Variants in CDKL5 observed in about 807,000 individuals in gnomAD.
CDKL5 encodes the protein cyclin-dependent kinase-like 5.
A neutral mutation model predicts 61.7 loss-of-function variants in CDKL5; 8 were observed. The observed-to-expected ratio is 0.13, with a 90% CI of 0.08 to 0.23. The LOEUF is 0.23. Ranked by LOEUF, CDKL5 falls within the 10% of genes least tolerant of loss-of-function variation. The pLI is 1.00. For missense variants in CDKL5, 440 were observed against 734.5 expected, an observed-to-expected ratio of 0.60 and a Z score of 4.63; for synonymous variants, 275 against 272.3, an observed-to-expected ratio of 1.01 and a Z score of -0.10.
At chrX:18,503,475 T>A (rs1489442287) in intron 1 of CDKL5, among the ~76,000 whole-genome samples, 1 of 112,294 alleles carries the variant, frequency 8.9e-6, no homozygotes, top group Non-Finnish European at 1.9e-5. Context: ...TGAGCCATTG[T>A]GCCCCGCCCA....
Position 18,552,682 on chromosome X carries a change from C to G in CDKL5, c.100-11795C>G, listed in dbSNP as rs996471451. ...GGGCCTTCAGATCTCATCGAGGAGC[C>G]GTGGGAAGGCTCCTCTGAGGAAGTG... On this transcript the variant is annotated intron_variant, in intron 3 of 17. Coordinates refer to ENST00000623535, the MANE Select transcript of CDKL5 (RefSeq NM_001323289.2). Among the ~76,000 whole-genome samples the G allele has an allele frequency of 1.1e-4, 12 of 111,279 alleles. No individual in the cohort carries two copies. The East Asian group carries it at 3.4e-3, about 32-fold the overall frequency.
In CDKL5 at chrX:18,518,388, A is replaced by ATTTTTTTTTTTTTTTTTTTTTTTTTTT. The variant is rs779361711; in HGVS notation, c.99+7543_99+7569dup. On this transcript the variant is annotated intron_variant, in intron 3 of 17. Coordinates refer to ENST00000623535, the MANE Select transcript of CDKL5 (RefSeq NM_001323289.2). Reference sequence around the variant, plus strand: ...AAGTCATGTTTTCTTTTCTTTTCTTATTTTTTTTTTTTTTTTTTTTTTTTT... The same window carrying ATTTTTTTTTTTTTTTTTTTTTTTTTTT: ...AAGTCATGTTTTCTTTTCTTTTCTTATTTTTTTTTTTTTTTTTTTTTTTTTTTTTTTTTTTTTTTTTTTTTTTTTTTT... Among the ~76,000 whole-genome samples the ATTTTTTTTTTTTTTTTTTTTTTTTTTT allele has an allele frequency of 2.8e-4, 6 of 21,161 alleles. 2 individuals are homozygous for ATTTTTTTTTTTTTTTTTTTTTTTTTTT. Among genetic ancestry groups the ATTTTTTTTTTTTTTTTTTTTTTTTTTT allele is most frequent in the Non-Finnish European group, 3.4e-4 (4 of 11,601 alleles). 18.4% of individuals were successfully genotyped at this position (21,161 alleles called of 115,157 possible). A position where few individuals can be genotyped will look rare whatever the true frequency, so the allele number is the denominator to read the frequency against.
chrX:18,451,624 G>T (rs1004760512), intron 1 of CDKL5, among the ~76,000 whole-genome samples: 4 of 111,762 alleles, frequency 3.6e-5, no homozygotes, highest in African/African-American at 1.3e-4. Flanking sequence ...CTGCAGCCTT[G>T]CCTCCCTGGT....
chrX:18,619,532 G>A (rs1009869481), intron 15 of CDKL5, among the ~76,000 whole-genome samples: 16 of 111,642 alleles, frequency 1.4e-4, no homozygotes, highest in Admixed American at 5.7e-4. Flanking sequence ...TTCCCTTGTA[G>A]AGTTACAGAA....
chrX:18,496,401 G>C (rs1401053367), intron 1 of CDKL5, among the ~76,000 whole-genome samples: 2 of 111,743 alleles, frequency 1.8e-5, no homozygotes, highest in African/African-American at 6.5e-5. Flanking sequence ...GTAAAGTTAA[G>C]ATAAGGGGGT....
intron 1 of CDKL5, among the ~76,000 whole-genome samples, chrX:18,482,000 G>A (rs1331347675): frequency 9.0e-6 from 1 of 111,020 alleles, no homozygotes; most frequent in African/African-American, 3.3e-5. Context: ...GTGAGGGAGA[G>A]GGAATGGGCA....
intron 1 of CDKL5, among the ~76,000 whole-genome samples, chrX:18,496,907 C>T: frequency 9.0e-6 from 1 of 110,719 alleles, no homozygotes. Flanking sequence ...GACCTCTCTT[C>T]CTGGCTGGGA....
intron 1 of CDKL5, among the ~76,000 whole-genome samples, chrX:18,448,735 T>C (rs1347378666): frequency 8.9e-6 from 1 of 112,352 alleles, no homozygotes; most frequent in East Asian, 2.8e-4. Flanking sequence ...GGCAAGGGTG[T>C]TTCACAGCTC....
intron 4 of CDKL5, among the ~76,000 whole-genome samples, chrX:18,565,159 A>G (rs1006046767): frequency 8.9e-6 from 1 of 112,196 alleles, no homozygotes; most frequent in African/African-American, 3.2e-5. Context: ...TTAGTTTTAA[A>G]ATCTAGACTG....
At chrX:18,428,149 AAGAC>A (rs1469671456) in intron 1 of CDKL5, among the ~76,000 whole-genome samples, 1 of 112,086 alleles carries the variant, frequency 8.9e-6, no homozygotes, top group Non-Finnish European at 1.9e-5. Flanking sequence ...TACAAACTGA[AAGAC>A]AGAGGTGGAG....
intron 1 of CDKL5, among the ~76,000 whole-genome samples, chrX:18,453,695 T>G (rs958661945): frequency 6.3e-5 from 7 of 111,986 alleles, no homozygotes; most frequent in African/African-American, 2.3e-4. Context: ...GGTCCATATA[T>G]ATTTCCTGTC....
chrX:18,557,472 G>A (rs1416320926), intron 3 of CDKL5, among the ~76,000 whole-genome samples: 2 of 111,424 alleles, frequency 1.8e-5, no homozygotes, highest in African/African-American at 3.3e-5. Flanking sequence ...CTATATCCTC[G>A]TAGATACTGA....
intron 3 of CDKL5, among the ~76,000 whole-genome samples, chrX:18,513,139 C>A (rs980216582): frequency 8.0e-5 from 9 of 112,129 alleles, no homozygotes; most frequent in Admixed American, 2.9e-4. Context: ...CAACCTGTGA[C>A]CTTTTCCTCT....
intron 3 of CDKL5, among the ~76,000 whole-genome samples, chrX:18,541,800 G>A (rs1924034007): frequency 9.0e-6 from 1 of 111,715 alleles, no homozygotes; most frequent in Non-Finnish European, 1.9e-5. Flanking sequence ...GATAACAGGT[G>A]TGAACCACCA....
At chrX:18,441,851 T>C (rs940477655) in intron 1 of CDKL5, among the ~76,000 whole-genome samples, 3 of 111,010 alleles carry the variant, frequency 2.7e-5, no homozygotes, top group Non-Finnish European at 3.8e-5. Context: ...CCTGGAAGTT[T>C]GTTTGCTTGG....
intron 3 of CDKL5, among the ~76,000 whole-genome samples, chrX:18,513,283 C>G (rs1922892069): frequency 9.0e-6 from 1 of 111,481 alleles, no homozygotes; most frequent in African/African-American, 3.3e-5. Flanking sequence ...TCTCAAAACA[C>G]ACACTGTTAG....
downstream of CDKL5, among the ~76,000 whole-genome samples, chrX:18,643,382 T>C (rs1202786291): frequency 9.0e-6 from 1 of 111,097 alleles, no homozygotes. Context: ...CACACCACCC[T>C]CTCTATTGCA....
At chrX:18,580,227 A>G (rs956444376) in intron 6 of CDKL5, among the ~76,000 whole-genome samples, 3 of 112,085 alleles carry the variant, frequency 2.7e-5, no homozygotes, top group Non-Finnish European at 3.8e-5. Context: ...TCCACTCCCA[A>G]TTGTAGAAAT....
chrX:18,469,338 C>CAAA (rs34096001), intron 1 of CDKL5, among the ~76,000 whole-genome samples: 1 of 15,664 alleles, frequency 6.4e-5, no homozygotes, highest in Non-Finnish European at 1.1e-4. Flanking sequence ...GACTCTGTCT[C>CAAA]AAAAAAAAAA....
Sources: gnomAD v4.1 joint callset for allele counts (sites outside exome capture counted in the v4.1 genomes callset) on GRCh38, gnomAD v4.1.1 for gene constraint, MANE v1.5 for transcripts, NCBI Gene and HGNC (gene_info 2026-07-23, HGNC 2026-07-21) for gene names.